PKHD1: variants seen among roughly 807,000 people sequenced by gnomAD.
PKHD1 encodes fibrocystin.
In PKHD1, 291 loss-of-function variants were observed where a neutral mutation model predicts 412.0. The observed-to-expected ratio is 0.71, with a 90% CI of 0.64 to 0.78. The LOEUF (loss-of-function observed/expected upper bound fraction) is 0.78. PKHD1 is among the 30% of genes least tolerant of loss of function. The probability of loss-of-function intolerance (pLI) is 0.00; values close to 1 mark genes in which losing one functional copy is unlikely to be tolerated. For missense variants in PKHD1, 4,825 were observed against 4,950.7 expected, an observed-to-expected ratio of 0.97 and a Z score of 0.76; for synonymous variants, 1,777 against 1,821.5, an observed-to-expected ratio of 0.98 and a Z score of 0.62.
chr6:51,936,695 G>A (rs1256832235), intron 36 of PKHD1, among the ~76,000 whole-genome samples: 1 of 152,210 alleles, frequency 6.6e-6, no homozygotes, highest in African/African-American at 2.4e-5. Context: ...GACGGGGAGT[G>A]TCAGAGATGC....
rs145799864 is a variant in PKHD1, at chr6:51,860,232, T to C, written c.7734-4162A>G. ...TATGCTTTCCACTCTGAAAAGCAAC[T>C]CAAAAAGCAAAAGACCCATCTCCCA... is the stretch of plus-strand genomic sequence containing the variant. On this transcript the variant is annotated intron_variant, in intron 48 of 66. Transcript: ENST00000371117. 6.6e-5 allele frequency among the ~76,000 whole-genome samples: 10 copies of C among 152,188 alleles called. No homozygotes were observed. The East Asian group carries it at 1.9e-3, about 29-fold the overall frequency.
At chr6:51,712,837 C>A (rs183872349) in intron 60 of PKHD1, among the ~76,000 whole-genome samples, 5 of 152,108 alleles carry the variant, frequency 3.3e-5, no homozygotes, top group Admixed American at 3.3e-4. Context: ...GTAGTAGATG[C>A]AATAATGCAT....
chr6:51,941,446 G>A (rs1415071190), intron 36 of PKHD1, among the ~76,000 whole-genome samples: 2 of 149,440 alleles, frequency 1.3e-5, no homozygotes, highest in Non-Finnish European at 1.5e-5. Flanking sequence ...TAGTAGAGAC[G>A]GGGTTTCACC....
intron 43 of PKHD1, among the ~76,000 whole-genome samples, chr6:51,900,537 C>T (rs1419601048): frequency 2.0e-5 from 3 of 152,214 alleles, no homozygotes; most frequent in Non-Finnish European, 4.4e-5. Flanking sequence ...GGATTAAAGA[C>T]TTAAATGATA....
At chr6:52,003,651 C>T (rs2128103665) in intron 35 of PKHD1, among the ~76,000 whole-genome samples, 2 of 152,280 alleles carry the variant, frequency 1.3e-5, no homozygotes, top group South Asian at 4.1e-4. Flanking sequence ...TCTTCCTTCA[C>T]CTGGATTCTA....
intron 35 of PKHD1, among the ~76,000 whole-genome samples, chr6:52,009,821 C>T (rs551502664): frequency 2.0e-5 from 3 of 152,056 alleles, no homozygotes; most frequent in South Asian, 2.1e-4. Context: ...AGGTCCTTTT[C>T]GTTTCTGATG....
intron 46 of PKHD1, among the ~76,000 whole-genome samples, chr6:51,874,011 A>C (rs957725438): frequency 6.6e-6 from 1 of 152,220 alleles, no homozygotes; most frequent in South Asian, 2.1e-4. Flanking sequence ...GAGAGCTAGT[A>C]TATTGAGAAG....
intron 34 of PKHD1, among the ~76,000 whole-genome samples, chr6:52,010,985 G>T (rs578072096): frequency 3.9e-4 from 60 of 152,218 alleles, no homozygotes; most frequent in African/African-American, 1.4e-3. Context: ...ATTTAGGCTT[G>T]CAATTCCCCC....
intron 36 of PKHD1, among the ~76,000 whole-genome samples, chr6:51,949,868 A>G (rs1048762562): frequency 6.6e-6 from 1 of 152,056 alleles, no homozygotes; most frequent in African/African-American, 2.4e-5. Flanking sequence ...AGCCACACAC[A>G]CACAGAAGCA....
intron 36 of PKHD1, among the ~76,000 whole-genome samples, chr6:51,950,220 A>AAATATATATATATATATATATAT: frequency 4.9e-4 from 48 of 98,280 alleles, no homozygotes; most frequent in Non-Finnish European, 5.7e-4. Context: ...GAAAAAAAAA[A>AAATATATATATATATATATATAT]ATATATATAT....
rs1388833681 is a variant in PKHD1 at position 51,859,354 on chromosome 6, G to A, written c.7734-3284C>T. On this transcript the variant is annotated intron_variant, in intron 48 of 66. Transcript: ENST00000371117. ...ATCCTGGCTAACACGGTGAAACCCCGTCTGTACTAAAAATACAAAAAATTA... is the reference window on the plus strand; with the variant it reads ...ATCCTGGCTAACACGGTGAAACCCCATCTGTACTAAAAATACAAAAAATTA... Among the ~76,000 whole-genome samples, 7 of 151,756 alleles carry A rather than the reference G, an allele frequency of 4.6e-5. No individual in the cohort carries two copies. In the South Asian group the frequency reaches 8.3e-4, roughly 18 times the overall value.
At chr6:51,683,600 A>G (rs901826507) in intron 60 of PKHD1, among the ~76,000 whole-genome samples, 1 of 151,998 alleles carries the variant, frequency 6.6e-6, no homozygotes, top group Non-Finnish European at 1.5e-5. Flanking sequence ...CCATCTCTTC[A>G]ATTTGGATGA....
intron 60 of PKHD1, among the ~76,000 whole-genome samples, chr6:51,723,063 G>A (rs1782125980): frequency 6.6e-6 from 1 of 152,092 alleles, no homozygotes; most frequent in Middle Eastern, 3.2e-3. Flanking sequence ...TTTATTGAAA[G>A]GCATCCTAAA....
intron 48 of PKHD1, among the ~76,000 whole-genome samples, chr6:51,861,749 A>G (rs1774225821): frequency 6.6e-6 from 1 of 152,234 alleles, no homozygotes; most frequent in South Asian, 2.1e-4. Flanking sequence ...AGCCTTATGG[A>G]TTCAGAAACA....
At chr6:52,021,823 C>T (rs1176186482) in intron 33 of PKHD1, among the ~76,000 whole-genome samples, 1 of 152,084 alleles carries the variant, frequency 6.6e-6, no homozygotes, top group Non-Finnish European at 1.5e-5. Flanking sequence ...ATTTCCATCA[C>T]AATAGCATTA....
intron 53 of PKHD1, among the ~76,000 whole-genome samples, chr6:51,779,056 T>TTCAAGAAACTTGTCC (rs1296643592): frequency 2.0e-5 from 3 of 152,162 alleles, no homozygotes; most frequent in Admixed American, 2.0e-4. Flanking sequence ...GTAATTCTAC[T>TTCAAGAAACTTGTCC]TCAAGAAACT....
At chr6:51,899,645 T>C (rs1472650269) in intron 43 of PKHD1, among the ~76,000 whole-genome samples, 3 of 151,440 alleles carry the variant, frequency 2.0e-5, no homozygotes, top group African/African-American at 7.3e-5. Flanking sequence ...CTATTCAACA[T>C]AGTGTTGGAA....
intron 55 of PKHD1, among the ~76,000 whole-genome samples, chr6:51,758,945 A>C (rs1787525806): frequency 6.6e-6 from 1 of 152,230 alleles, no homozygotes; most frequent in African/African-American, 2.4e-5. Flanking sequence ...AATACTTGTA[A>C]GATCTTAATG....
At chr6:51,901,520 T>C (rs1781283847) in intron 43 of PKHD1, among the ~76,000 whole-genome samples, 1 of 148,558 alleles carries the variant, frequency 6.7e-6, no homozygotes, top group Non-Finnish European at 1.5e-5. Flanking sequence ...GGGACTGTTG[T>C]GGGGTGGGGG....
Sources: gnomAD v4.1 joint callset for allele counts (sites outside exome capture counted in the v4.1 genomes callset) on GRCh38, gnomAD v4.1.1 for gene constraint, MANE v1.5 for transcripts, NCBI Gene and HGNC (gene_info 2026-07-23, HGNC 2026-07-21) for gene names.